Variants in DRC11 observed in about 807,000 individuals in gnomAD.
DRC11 encodes IQ and AAA domain-containing protein 1.
At chr2:236,483,604 T>C in the DRC11 span, among the ~76,000 whole-genome samples, 1 of 152,106 alleles carries the variant, frequency 6.6e-6, no homozygotes, top group Non-Finnish European at 1.5e-5. This position sits in a 1 kb window ranked among gnomAD's most constrained non-coding sequence, Gnocchi z 4.8. Context: ...TTCTGGAACA[T>C]GGACTTGAAT....
chr2:236,312,792 A>C, the DRC11 span, among the ~76,000 whole-genome samples: 1 of 152,050 alleles, frequency 6.6e-6, no homozygotes, highest in African/African-American at 2.4e-5. Context: ...GGAAAGATAA[A>C]GCCCTGATGA....
At chr2:236,408,962 C>A in the DRC11 span, 1 of 709,166 alleles carries the variant, frequency 1.4e-6, no homozygotes, top group South Asian at 1.4e-5. This position sits in a 1 kb window ranked among gnomAD's most constrained non-coding sequence, Gnocchi z 5.5. Context: ...AGTGGACCGG[C>A]TTGGAAGGGT....
the DRC11 span, among the ~76,000 whole-genome samples, chr2:236,337,930 A>G: frequency 6.6e-6 from 1 of 152,220 alleles, no homozygotes. The surrounding 1 kb of genome is among the most constrained non-coding windows in gnomAD (Gnocchi z 4.9). Flanking sequence ...AGCACCCACA[A>G]GGCTTTTGTC....
At chr2:236,400,863 G>A in the DRC11 span, among the ~76,000 whole-genome samples, 1 of 152,130 alleles carries the variant, frequency 6.6e-6, no homozygotes, top group Non-Finnish European at 1.5e-5. The surrounding 1 kb of genome is among the most constrained non-coding windows in gnomAD (Gnocchi z 7.9). Flanking sequence ...CTCTCCCCAT[G>A]GCCAAGCAAT....
the DRC11 span, among the ~76,000 whole-genome samples, chr2:236,364,878 T>A: frequency 4.8e-5 from 7 of 146,030 alleles, no homozygotes; most frequent in Admixed American, 4.7e-4. Context: ...AAAATTTAAG[T>A]GATGATTAGA....
the DRC11 span, among the ~76,000 whole-genome samples, chr2:236,432,320 A>C: frequency 6.6e-6 from 1 of 152,088 alleles, no homozygotes; most frequent in South Asian, 2.1e-4. Context: ...TTCTGGCTGT[A>C]AGTCCTTTAA....
the DRC11 span, among the ~76,000 whole-genome samples, chr2:236,372,639 C>T: frequency 2.0e-5 from 3 of 152,144 alleles, no homozygotes; most frequent in African/African-American, 7.2e-5. This position sits in a 1 kb window ranked among gnomAD's most constrained non-coding sequence, Gnocchi z 4.5. Context: ...AGACAAGGTC[C>T]TGCTCTTTCA....
the DRC11 span, among the ~76,000 whole-genome samples, chr2:236,358,063 T>C: frequency 2.5e-5 from 3 of 120,188 alleles, no homozygotes. Context: ...ATATATTATA[T>C]GAATATATAT....
chr2:236,331,596 A>AACT, the DRC11 span: 1 of 1,609,666 alleles, frequency 6.2e-7, no homozygotes, highest in Non-Finnish European at 8.5e-7. This position sits in a 1 kb window ranked among gnomAD's most constrained non-coding sequence, Gnocchi z 4.8. Context: ...GCTTCCACAG[A>AACT]ACTGTTGTAT....
At chr2:236,368,491 C>T in the DRC11 span, 2 of 561,442 alleles carry the variant, frequency 3.6e-6, no homozygotes, top group South Asian at 4.2e-5. Context: ...GCTATCCAGG[C>T]AAGAAAGCCC....
At chr2:236,331,545 C>G in the DRC11 span, 27 of 1,613,984 alleles carry the variant, frequency 1.7e-5, no homozygotes, top group East Asian at 5.8e-4. This position sits in a 1 kb window ranked among gnomAD's most constrained non-coding sequence, Gnocchi z 4.8. Flanking sequence ...AGCTGACATT[C>G]AAGGCACTGG....
At chr2:236,455,883 G>GT in the DRC11 span, among the ~76,000 whole-genome samples, 83 of 151,606 alleles carry the variant, frequency 5.5e-4, no homozygotes, top group Non-Finnish European at 9.9e-4. The surrounding 1 kb of genome is among the most constrained non-coding windows in gnomAD (Gnocchi z 5.7). Flanking sequence ...ATTGCGTGCT[G>GT]TTTTTTTTTA....
At chr2:236,368,143 G>A in the DRC11 span, 1 of 1,065,650 alleles carries the variant, frequency 9.4e-7, no homozygotes, top group Non-Finnish European at 1.4e-6. Context: ...AAACCAGCAA[G>A]CGGTGCAAGC....
At chr2:236,398,299 T>TAGTG in the DRC11 span, among the ~76,000 whole-genome samples, 544 of 152,298 alleles carry the variant, frequency 3.6e-3, 2 homozygotes, top group African/African-American at 0.013. The surrounding 1 kb of genome is among the most constrained non-coding windows in gnomAD (Gnocchi z 6.2). Flanking sequence ...CCCTTGCCAC[T>TAGTG]AGTGGTATGT....
At chr2:236,468,108 T>C in the DRC11 span, among the ~76,000 whole-genome samples, 2 of 152,200 alleles carry the variant, frequency 1.3e-5, no homozygotes, top group Admixed American at 6.5e-5. Context: ...ATAACTTTTC[T>C]TTTTTGGAGA....
the DRC11 span, among the ~76,000 whole-genome samples, chr2:236,464,054 C>T: frequency 4.5e-4 from 69 of 152,152 alleles, 2 homozygotes; most frequent in African/African-American, 1.4e-3. Context: ...ACACAATGGT[C>T]GCTGACTCTG....
At chr2:236,347,163 C>G in the DRC11 span, among the ~76,000 whole-genome samples, 1 of 152,210 alleles carries the variant, frequency 6.6e-6, no homozygotes, top group Non-Finnish European at 1.5e-5. Context: ...ACCTCTCACC[C>G]TTCGTTCTGC....
the DRC11 span, among the ~76,000 whole-genome samples, chr2:236,405,217 G>A: frequency 6.6e-6 from 1 of 152,020 alleles, no homozygotes; most frequent in South Asian, 2.1e-4. This position sits in a 1 kb window ranked among gnomAD's most constrained non-coding sequence, Gnocchi z 4.6. Context: ...TCATGCCTCC[G>A]CCATTTTCCA....
chr2:236,431,236 G>C, the DRC11 span, among the ~76,000 whole-genome samples: 1 of 152,012 alleles, frequency 6.6e-6, no homozygotes, highest in Non-Finnish European at 1.5e-5. The surrounding 1 kb of genome is among the most constrained non-coding windows in gnomAD (Gnocchi z 4.2). Flanking sequence ...TCTCATGCTG[G>C]TATGAAGAAA....
Sources: gnomAD v4.1 joint callset for allele counts (sites outside exome capture counted in the v4.1 genomes callset) on GRCh38, gnomAD v4.1.1 for gene constraint, Gnocchi (gnomAD v3.1) non-coding constraint, MANE v1.5 for transcripts, NCBI Gene and HGNC (gene_info 2026-07-23, HGNC 2026-07-21) for gene names.